DPP4: variants seen among roughly 807,000 people sequenced by gnomAD.
The protein encoded by DPP4 is dipeptidyl peptidase 4, also known as ADCP-2.
Under a neutral mutation model 122.4 loss-of-function variants are expected in DPP4, and 93 were observed. The ratio of observed to expected loss-of-function variants is 0.76; its 90% CI spans 0.64 to 0.90. DPP4 has a LOEUF of 0.90. DPP4 is among the 40% of genes least tolerant of loss of function. The pLI, the probability that DPP4 is intolerant of heterozygous loss-of-function variation, is 0.00. For missense variants in DPP4, 914 were observed against 907.3 expected, an observed-to-expected ratio of 1.01 and a Z score of -0.09; for synonymous variants, 321 against 302.9, an observed-to-expected ratio of 1.06 and a Z score of -0.62.
intron 8 of DPP4, among the ~76,000 whole-genome samples, chr2:162,035,864 C>A (rs1438794039): frequency 6.6e-6 from 1 of 152,102 alleles, no homozygotes; most frequent in Non-Finnish European, 1.5e-5. Flanking sequence ...TCCATTGAGA[C>A]CCCTACTGAG....
intron 2 of DPP4, among the ~76,000 whole-genome samples, chr2:162,060,818 G>C (rs1684742527): frequency 6.6e-6 from 1 of 152,058 alleles, no homozygotes; most frequent in Non-Finnish European, 1.5e-5. Flanking sequence ...GTTCCCAAGG[G>C]ATTTTTTTAA....
chr2:162,026,804 G>A (rs1298273845), intron 10 of DPP4, among the ~76,000 whole-genome samples: 1 of 152,212 alleles, frequency 6.6e-6, no homozygotes, highest in Non-Finnish European at 1.5e-5. Flanking sequence ...CAATAAATCT[G>A]TGCAAAGAGA....
At chr2:162,047,776 A>G (rs965362919) in intron 2 of DPP4, among the ~76,000 whole-genome samples, 1 of 152,216 alleles carries the variant, frequency 6.6e-6, no homozygotes, top group South Asian at 2.1e-4. Context: ...GCTATGTCCT[A>G]TAGAAATAGA....
At chr2:162,039,394 G>C (rs139512114) in intron 5 of DPP4, among the ~76,000 whole-genome samples, 1 of 151,944 alleles carries the variant, frequency 6.6e-6, no homozygotes, top group Non-Finnish European at 1.5e-5. Context: ...CTACAACCTA[G>C]CTCTGGCACC....
At position 161,993,345 on chromosome 2, in the gene DPP4, C is replaced by T. The variant is rs1559701395; in HGVS notation, c.2239G>A (p.Ala747Thr). 1.9e-6 allele frequency: 3 copies of T among 1,613,314 alleles called. No homozygotes were observed. The East Asian group carries it at 6.7e-5, about 36-fold the overall frequency. ...ATGTGGGTATATATATGTTGGTGTGCTGTGCTGCTAGCTATTCCATGGTCT... is the reference window on the plus strand; with the variant it reads ...ATGTGGGTATATATATGTTGGTGTGTTGTGCTGCTAGCTATTCCATGGTCT... Reference protein sequence around the residue: ...DEDHGIASSTAHQHIYTHMSH... With the variant: ...DEDHGIASSTTHQHIYTHMSH... Residue 747 changes from alanine (A) to threonine (T), a missense_variant, in exon 26 of 26, where the codon GCA becomes ACA. Physicochemically the swap from Ala to Thr is moderately conservative, Grantham distance 58. Transcript: ENST00000360534.
chr2:162,003,141 C>T (rs116141005), intron 23 of DPP4, among the ~76,000 whole-genome samples: 1 of 152,270 alleles, frequency 6.6e-6, no homozygotes, highest in African/African-American at 2.4e-5. Flanking sequence ...TTAAACAGTC[C>T]TCGGGTGCCA....
intron 23 of DPP4, among the ~76,000 whole-genome samples, chr2:161,996,901 C>T: frequency 6.6e-6 from 1 of 152,162 alleles, no homozygotes. Context: ...TCACCTTAAA[C>T]AAGGGTGGGC....
intron 4 of DPP4, chr2:162,046,584 CGA>C (rs1441754742): frequency 4.7e-6 from 2 of 421,352 alleles, no homozygotes; most frequent in South Asian, 1.8e-5. Flanking sequence ...TGTGTGTATA[CGA>C]GAGTCAAGCC....
At chr2:162,009,871 T>A (rs946783278) in intron 20 of DPP4, among the ~76,000 whole-genome samples, 8 of 152,100 alleles carry the variant, frequency 5.3e-5, no homozygotes, top group African/African-American at 1.9e-4. Flanking sequence ...GATTAAGAAG[T>A]CTTCTTTGCC....
At position 162,061,399 on chromosome 2, in the gene DPP4, T is replaced by C. The variant is rs113825322; in HGVS notation, c.94+12000A>G. Among the ~76,000 whole-genome samples, 250 of 152,360 alleles carry C rather than the reference T, an allele frequency of 1.6e-3. 2 individuals carry two copies. Among genetic ancestry groups the C allele is most frequent in the African/African-American group, 5.7e-3 (239 of 41,580 alleles). ...CTCTTCATGTCTCTTGATCTATCCC[T>C]TACTACTTAGTCCACATTCATTTCT... On this transcript the variant is annotated intron_variant, in intron 2 of 25. Coordinates refer to ENST00000360534, the MANE Select transcript of DPP4 (RefSeq NM_001935.4).
intron 2 of DPP4, among the ~76,000 whole-genome samples, chr2:162,057,126 G>A (rs756167496): frequency 6.6e-6 from 1 of 152,020 alleles, no homozygotes; most frequent in Non-Finnish European, 1.5e-5. Context: ...CAAGCTTTGA[G>A]GGAGTCAATT....
At chr2:162,012,917 G>C (rs1682756024) in intron 19 of DPP4, among the ~76,000 whole-genome samples, 1 of 151,956 alleles carries the variant, frequency 6.6e-6, no homozygotes, top group South Asian at 2.1e-4. Context: ...TACTTAGGGA[G>C]GTCAGTCAAA....
rs537994102 is a variant in DPP4 at position 162,069,936 on chromosome 2, T to C, written c.94+3463A>G. The stretch of plus-strand genomic sequence containing the variant: ...AGCAAAAGAAGAGATATACTTCTTT[T>C]CCATAATAAAATTCAATAATAATAA... On this transcript the variant is annotated intron_variant, in intron 2 of 25. Transcript: ENST00000360534. Among the ~76,000 whole-genome samples, 165 of 152,276 alleles carry C rather than the reference T, an allele frequency of 1.1e-3. No homozygotes were observed. The South Asian group carries it at 0.015, about 14-fold the overall frequency.
chr2:162,017,223 T>G (rs1383611678), intron 16 of DPP4, 68 bp from the exon 17 acceptor site: 1 of 1,357,348 alleles, frequency 7.4e-7, no homozygotes, highest in African/African-American at 1.5e-5. Flanking sequence ...ATAGATGACT[T>G]TTCAAAAATA....
intron 18 of DPP4, 99 bp from the exon 19 acceptor site, chr2:162,014,564 A>G: frequency 1.2e-6 from 1 of 820,378 alleles, no homozygotes; most frequent in Admixed American, 2.9e-5. Context: ...CTAGAGTTTA[A>G]CAATTTGTTA....
Position 162,074,164 on chromosome 2 carries a change from G to T in DPP4, c.-183C>A, listed in dbSNP as rs1181331729. Reference sequence around the variant, plus strand: ...CCCGCTGGGTATAAAGGCGCCGCGGGCAGGCTGCAGGGCAGGCGGCGCGGG... The same window carrying T: ...CCCGCTGGGTATAAAGGCGCCGCGGTCAGGCTGCAGGGCAGGCGGCGCGGG... On this transcript the variant is annotated 5_prime_UTR_variant, in exon 1 of 26. Transcript: ENST00000360534. The T allele has an allele frequency of 6.1e-6, 8 of 1,308,438 alleles. No individual in the cohort carries two copies. The highest frequency in any genetic ancestry group is 1.5e-5 in the African/African-American group (1 of 64,734). The allele number at this position is 1,308,438 out of a possible 1,614,324, so 81.1% of individuals were successfully genotyped here. A position where few individuals can be genotyped will look rare whatever the true frequency, so the allele number is the denominator to read the frequency against.
In DPP4 at chr2:162,047,008, T is replaced by C; in HGVS notation, c.194-2A>G. The C allele has an allele frequency of 6.6e-7, 1 of 1,517,502 alleles. No homozygotes were observed. The highest frequency in any genetic ancestry group is 9.1e-7 in the Non-Finnish European group (1 of 1,102,952). The allele number at this position is 1,517,502 out of a possible 1,614,324, so 94.0% of individuals were successfully genotyped here. ...CTTGTTTGTAGAGATATTCATGATC[T>C]AAAGAGAGAAAACACCCAGATCAAA... On this transcript the variant is annotated splice_acceptor_variant, in intron 3 of 25. Transcript: ENST00000360534. LOFTEE classifies it high-confidence loss of function.
chr2:162,012,900 T>C (rs753019912), intron 19 of DPP4, among the ~76,000 whole-genome samples: 11 of 152,130 alleles, frequency 7.2e-5, no homozygotes, highest in Non-Finnish European at 1.3e-4. Flanking sequence ...TGCTAATGTT[T>C]TCCTTCTACT....
chr2:162,017,237 T>C lies in DPP4; in HGVS notation c.1421-82A>G, dbSNP rs1682959185. 32 of 1,141,526 alleles carry C rather than the reference T, an allele frequency of 2.8e-5. No individual in the cohort carries two copies. The South Asian group carries it at 4.1e-4, about 15-fold the overall frequency. The allele number at this position is 1,141,526 out of a possible 1,614,324, so 70.7% of individuals were successfully genotyped here. ...TATAGATGACTTTTCAAAAATACCA[T>C]TTGTTACCATTTAACTTTGATAGAA... is the stretch of plus-strand genomic sequence containing the variant. On this transcript the variant is annotated intron_variant, in intron 16 of 25. Transcript: ENST00000360534.
Sources: gnomAD v4.1 joint callset for allele counts (sites outside exome capture counted in the v4.1 genomes callset) on GRCh38, gnomAD v4.1.1 for gene constraint, MANE v1.5 for transcripts, NCBI Gene and HGNC (gene_info 2026-07-23, HGNC 2026-07-21) for gene names.